The following SAMMSON variants were observed in gnomAD, a reference collection of about 807,000 sequenced individuals.
SAMMSON encodes the protein long intergenic non-protein coding RNA 1212.
chr3:70,279,663 C>A (rs1431152685), intron 6 of SAMMSON, among the ~76,000 whole-genome samples: 2 of 152,172 alleles, frequency 1.3e-5, no homozygotes, highest in East Asian at 1.9e-4. Flanking sequence ...CATTAAGCAG[C>A]TCCTCCATTT....
chr3:70,284,673 C>G (rs1382508588), intron 6 of SAMMSON, among the ~76,000 whole-genome samples: 1 of 152,160 alleles, frequency 6.6e-6, no homozygotes, highest in Non-Finnish European at 1.5e-5. Flanking sequence ...CATGTTCTCA[C>G]TTATAAGTGG....
At chr3:70,131,264 A>G (rs773613598) in intron 4 of SAMMSON, among the ~76,000 whole-genome samples, 3 of 152,222 alleles carry the variant, frequency 2.0e-5, no homozygotes, top group Non-Finnish European at 2.9e-5. Context: ...ATTTTAGTCT[A>G]AAAGCAGGAT....
chr3:70,064,571 G>T (rs1241256958), intron 3 of SAMMSON, among the ~76,000 whole-genome samples: 1 of 152,048 alleles, frequency 6.6e-6, no homozygotes, highest in Non-Finnish European at 1.5e-5. Context: ...TAATGAGCTG[G>T]AGGACTCTTC....
intron 3 of SAMMSON, among the ~76,000 whole-genome samples, chr3:70,049,131 C>A (rs1205354262): frequency 2.6e-5 from 4 of 152,090 alleles, no homozygotes; most frequent in African/African-American, 9.7e-5. Flanking sequence ...TTACTGCATA[C>A]CTACCAGGTA....
At chr3:70,151,917 T>C (rs2067573670) in intron 4 of SAMMSON, among the ~76,000 whole-genome samples, 2 of 151,952 alleles carry the variant, frequency 1.3e-5, no homozygotes, top group African/African-American at 4.8e-5. Context: ...TATAGAAACA[T>C]ATATAGAGGA....
At chr3:70,140,930 G>A (rs1353084801) in intron 4 of SAMMSON, among the ~76,000 whole-genome samples, 1 of 152,126 alleles carries the variant, frequency 6.6e-6, no homozygotes, top group African/African-American at 2.4e-5. Context: ...AGAAGATTGA[G>A]GTTTTCTCTA....
chr3:70,275,009 G>A (rs1702009232), intron 6 of SAMMSON, among the ~76,000 whole-genome samples: 1 of 151,922 alleles, frequency 6.6e-6, no homozygotes, highest in Non-Finnish European at 1.5e-5. Flanking sequence ...TCAGAACCTT[G>A]TTTCTCAAAG....
At chr3:70,134,378 A>G (rs1018628784) in intron 4 of SAMMSON, among the ~76,000 whole-genome samples, 6 of 151,870 alleles carry the variant, frequency 4.0e-5, no homozygotes, top group Non-Finnish European at 8.8e-5. Flanking sequence ...TTTTTTAATA[A>G]AAAGTACTCA....
At chr3:70,405,999 A>G (rs1348374477) in intron 2 of SAMMSON, among the ~76,000 whole-genome samples, 1 of 152,198 alleles carries the variant, frequency 6.6e-6, no homozygotes, top group African/African-American at 2.4e-5. Flanking sequence ...TGGTGACTAT[A>G]TTTAGTAACA....
At chr3:70,356,506 G>A (rs2106737578) in intron 8 of SAMMSON, among the ~76,000 whole-genome samples, 1 of 152,038 alleles carries the variant, frequency 6.6e-6, no homozygotes, top group Middle Eastern at 3.4e-3. Flanking sequence ...ATAACCCTGA[G>A]TTCTGGTTAC....
Position 70,102,660 on chromosome 3 carries a change from C to G in SAMMSON, n.507+31095C>G, listed in dbSNP as rs561503210. Among the ~76,000 whole-genome samples, 40 of 152,268 alleles carry G rather than the reference C, an allele frequency of 2.6e-4. No homozygotes were observed. In the Middle Eastern group the frequency reaches 0.014, roughly 52 times the overall value. On this transcript the variant is annotated intron_variant and non_coding_transcript_variant, in intron 4 of 9. Coordinates refer to ENST00000642114, the Ensembl canonical transcript of SAMMSON. ...GAATTCATCACTGATCTTGTACGAA[C>G]AGCTCCAAGTTCAAGCTCACAGTCA...
At chr3:70,295,000 T>C (rs531066845) in intron 7 of SAMMSON, among the ~76,000 whole-genome samples, 53 of 152,286 alleles carry the variant, frequency 3.5e-4, no homozygotes, top group African/African-American at 1.1e-3. Flanking sequence ...CCCTAGCAGA[T>C]GGGTTCTCAT....
intron 7 of SAMMSON, among the ~76,000 whole-genome samples, chr3:70,344,289 G>C (rs1702733326): frequency 6.6e-6 from 1 of 152,140 alleles, no homozygotes; most frequent in African/African-American, 2.4e-5. Flanking sequence ...AAGAATGGCA[G>C]AATTGCGGGC....
chr3:70,062,625 C>T (rs1046064431), intron 3 of SAMMSON, among the ~76,000 whole-genome samples: 9 of 152,252 alleles, frequency 5.9e-5, no homozygotes, highest in Admixed American at 2.0e-4. Context: ...TGATATTGCA[C>T]TGCTCTTCTG....
chr3:70,336,002 G>A (rs145599682), intron 7 of SAMMSON, among the ~76,000 whole-genome samples: 1 of 151,928 alleles, frequency 6.6e-6, no homozygotes, highest in East Asian at 1.9e-4. Flanking sequence ...GTTAGGAACT[G>A]GTATCAGCAG....
intron 9 of SAMMSON, among the ~76,000 whole-genome samples, chr3:70,385,006 T>C (rs1465723405): frequency 6.6e-6 from 1 of 152,070 alleles, no homozygotes; most frequent in Non-Finnish European, 1.5e-5. Flanking sequence ...TGCTAACATA[T>C]GGAATAGAAT....
chr3:70,075,290 C>A (rs2067244660), intron 4 of SAMMSON: 1 of 152,060 alleles, frequency 6.6e-6, no homozygotes, highest in African/African-American at 2.4e-5. Flanking sequence ...TAGTCTGTTT[C>A]TTAAAATAGC....
At chr3:70,145,651 CA>C (rs79150796) in intron 4 of SAMMSON, among the ~76,000 whole-genome samples, 34,847 of 151,744 alleles carry the variant, frequency 0.23, 4,418 homozygotes, top group East Asian at 0.51. Flanking sequence ...TTGAACTAAA[CA>C]AAAATAAAAA....
chr3:70,368,534 T>G (rs1481025434), intron 9 of SAMMSON, among the ~76,000 whole-genome samples: 2 of 151,704 alleles, frequency 1.3e-5, no homozygotes, highest in Non-Finnish European at 3.0e-5. Flanking sequence ...TATGGTAAAT[T>G]TTGAGTTGAT....
Sources: gnomAD v4.1 joint callset for allele counts (sites outside exome capture counted in the v4.1 genomes callset) on GRCh38, gnomAD v4.1.1 for gene constraint, MANE v1.5 for transcripts, NCBI Gene and HGNC (gene_info 2026-07-23, HGNC 2026-07-21) for gene names.